Variants in CDKL2 observed in about 807,000 individuals in gnomAD.
The protein encoded by CDKL2 is cyclin dependent kinase like 2, also known as cyclin-dependent kinase-like 2.
In CDKL2, 64 loss-of-function variants were observed where a neutral mutation model predicts 63.9. The ratio of observed to expected loss-of-function variants is 1.00; its 90% confidence interval spans 0.82 to 1.23. The LOEUF (loss-of-function observed/expected upper bound fraction) is 1.23, where lower values mean the gene tolerates loss of function less well. CDKL2 is among the 50% of genes most tolerant of loss of function. CDKL2 has a pLI of 0.00. For missense variants in CDKL2, 656 were observed against 668.0 expected, an observed-to-expected ratio of 0.98 and a Z score of 0.20; for synonymous variants, 211 against 229.2, an observed-to-expected ratio of 0.92 and a Z score of 0.72.
chr4:75,624,089 C>T (rs1730289707), intron 2 of CDKL2, among the ~76,000 whole-genome samples: 2 of 149,520 alleles, frequency 1.3e-5, no homozygotes, highest in South Asian at 4.2e-4. Context: ...CAAGATTACG[C>T]CACTGCACTC....
At chr4:75,616,191 C>T (rs531759906) in intron 2 of CDKL2, among the ~76,000 whole-genome samples, 5 of 151,382 alleles carry the variant, frequency 3.3e-5, no homozygotes, top group African/African-American at 1.2e-4. Flanking sequence ...GTAATCCCAG[C>T]GCTTTGGGAG....
chr4:75,591,845 GC>G lies in CDKL2; in HGVS notation c.1620del (p.His541ThrfsTer80). The G allele has an allele frequency of 6.5e-7, 1 of 1,535,498 alleles. No individual in the cohort carries two copies. Among genetic ancestry groups the G allele is most frequent in the South Asian group, 1.2e-5 (1 of 84,032 alleles). The stretch of plus-strand genomic sequence containing the variant: ...TGATGTAATGTAATACTGGGGGTGT[GC>G]AGGTCAATAGCAGCCAGAGAAGGAA... Reference protein sequence around the residue: ...SRIPSLAAIDLHTPSITLHQV... With the variant: ...SRIPSLAAIDXHTPSITLHQV... On this transcript the variant is annotated frameshift_variant, in exon 12 of 14. Coordinates refer to ENST00000307465, the MANE Select transcript of CDKL2 (RefSeq NM_001330724.2). LOFTEE classifies it high-confidence loss of function.
rs1728113964 is a variant in CDKL2, at chr4:75,578,285, A to C, written c.*917T>G. 6.6e-6 allele frequency: 1 copy of C among 152,206 alleles called. No individual in the cohort carries two copies. The highest frequency in any genetic ancestry group is 1.5e-5 in the Non-Finnish European group (1 of 68,046). 9.4% of individuals were successfully genotyped at this position (152,206 alleles called of 1,614,324 possible). A position where few individuals can be genotyped will look rare whatever the true frequency, so the allele number is the denominator to read the frequency against. On this transcript the variant is annotated 3_prime_UTR_variant, in exon 14 of 14. Coordinates refer to ENST00000307465, the MANE Select transcript of CDKL2 (RefSeq NM_001330724.2). ...CACCCTTAAACTACCAGGGGACAAA[A>C]GTGGAGTCCATAATAATGAACGTTC...
Position 75,591,801 on chromosome 4 carries a change from T to C in CDKL2, c.1647+18A>G, listed in dbSNP as rs1277495787. 3 of 1,481,974 alleles carry C rather than the reference T, an allele frequency of 2.0e-6. No homozygotes were observed. The highest frequency in any genetic ancestry group is 1.4e-5 in the African/African-American group (1 of 71,878). 91.8% of individuals were successfully genotyped at this position (1,481,974 alleles called of 1,614,324 possible). ...AGAGACCCGAGTTCTGTCCATCCTA[T>C]AAAGAGTATTTCTGTACCTGATGTA... On this transcript the variant is annotated intron_variant, in intron 12 of 13. Coordinates refer to ENST00000307465, the MANE Select transcript of CDKL2 (RefSeq NM_001330724.2).
At chr4:75,584,852 C>A (rs544705810) in intron 12 of CDKL2, among the ~76,000 whole-genome samples, 1 of 152,150 alleles carries the variant, frequency 6.6e-6, no homozygotes, top group Non-Finnish European at 1.5e-5. Context: ...ATTTCTGGAA[C>A]TTTCCACTAA....
Position 75,607,323 on chromosome 4 carries a change from G to A in CDKL2, c.402C>T (p.Val134=), listed in dbSNP as rs114168763. Residue 134 remains valine, a synonymous_variant, in exon 4 of 14, where the codon GTC becomes GTT. Coordinates refer to ENST00000307465, the MANE Select transcript of CDKL2 (RefSeq NM_001330724.2). Reference sequence around the variant, plus strand: ...ATAGCTTGACAACGCCAGACTGGGAGACTAATATATTCTCTGGCTTTATAT... The same window carrying A: ...ATAGCTTGACAACGCCAGACTGGGAAACTAATATATTCTCTGGCTTTATAT... ...HRDIKPENIL[V]SQSGVVKLCD... is the part of the protein sequence containing the mutation. The A allele has an allele frequency of 1.9e-5, 30 of 1,614,028 alleles. No individual in the cohort carries two copies. In the African/African-American group the frequency reaches 3.3e-4, roughly 18 times the overall value.
intron 5 of CDKL2, among the ~76,000 whole-genome samples, chr4:75,605,310 G>A (rs543183368): frequency 1.6e-4 from 25 of 152,082 alleles, no homozygotes; most frequent in South Asian, 8.3e-4. Flanking sequence ...CCGAGATTGC[G>A]CCATTGCACT....
chr4:75,606,276 G>A (rs1214818560), intron 4 of CDKL2, among the ~76,000 whole-genome samples: 1 of 150,612 alleles, frequency 6.6e-6, no homozygotes, highest in Non-Finnish European at 1.5e-5. Flanking sequence ...GTGCAGTCGC[G>A]TAATCTCAGC....
intron 2 of CDKL2, among the ~76,000 whole-genome samples, chr4:75,621,738 T>C (rs1730167763): frequency 6.6e-6 from 1 of 152,062 alleles, no homozygotes; most frequent in South Asian, 2.1e-4. Context: ...AATACATACT[T>C]TTTTTTACAC....
chr4:75,599,565 A>AAG (rs1357228737), intron 7 of CDKL2, among the ~76,000 whole-genome samples: 1 of 151,134 alleles, frequency 6.6e-6, no homozygotes, highest in African/African-American at 2.4e-5. Context: ...AAAAAAAAAA[A>AAG]AAAAAGAAAC....
In CDKL2 at chr4:75,625,866, G is replaced by T. The variant is rs1264629602; in HGVS notation, c.123C>A (p.Asp41Glu). The T allele has an allele frequency of 3.1e-6, 5 of 1,612,732 alleles. No individual in the cohort carries two copies. The East Asian group carries it at 1.1e-4, about 36-fold the overall frequency. ...GCATTGCAATCTTTTTAACCATTTT[G>T]TCATCGTCACTTTCTAAGAACTTCT... The part of the protein sequence containing the change: ...AIKKFLESDD[D>E]KMVKKIAMRE... The change falls in exon 2 of 14, where the codon GAC becomes GAA. Residue 41 changes from aspartate to glutamate, a missense_variant. Asp to Glu is a conservative substitution (Grantham distance 45, BLOSUM62 2). Coordinates refer to ENST00000307465, the MANE Select transcript of CDKL2 (RefSeq NM_001330724.2).
In CDKL2 at chr4:75,615,632, G is replaced by A. The variant is rs147254676; in HGVS notation, c.169-1183C>T. ...ATACAAATGTGGGCATCATGGTTAT[G>A]AAACAGAAAGTGAACATTTTAAATG... is the stretch of plus-strand genomic sequence containing the variant. On this transcript the variant is annotated intron_variant, in intron 2 of 13. Coordinates refer to ENST00000307465, the MANE Select transcript of CDKL2 (RefSeq NM_001330724.2). Among the ~76,000 whole-genome samples the A allele has an allele frequency of 1.1e-4, 16 of 152,308 alleles. No individual in the cohort carries two copies. In the East Asian group the frequency reaches 2.9e-3, roughly 27 times the overall value.
At chr4:75,614,861 A>G (rs1022913181) in intron 2 of CDKL2, among the ~76,000 whole-genome samples, 4 of 114,856 alleles carry the variant, frequency 3.5e-5, no homozygotes, top group East Asian at 2.0e-4. Flanking sequence ...CCAGTGACAT[A>G]CCCTGAAAAG....
intron 4 of CDKL2, 145 bp from the exon 5 acceptor site, chr4:75,605,779 G>T: frequency 5.8e-6 from 3 of 521,146 alleles, no homozygotes; most frequent in Non-Finnish European, 1.0e-5. Flanking sequence ...ATGCTCCAAT[G>T]GTATAATGCA....
At chr4:75,608,996 GAAAAAAA>G (rs5859470) in intron 3 of CDKL2, among the ~76,000 whole-genome samples, 1 of 120,866 alleles carries the variant, frequency 8.3e-6, no homozygotes, top group African/African-American at 3.6e-5. Flanking sequence ...TCCATCTCAA[GAAAAAAA>G]AAAAAAAAGA....
chr4:75,585,822 A>G (rs1728455083), intron 12 of CDKL2, among the ~76,000 whole-genome samples: 1 of 152,200 alleles, frequency 6.6e-6, no homozygotes, highest in African/African-American at 2.4e-5. Flanking sequence ...CAATTCTACA[A>G]CATAATAAAA....
At chr4:75,619,217 A>G (rs971383542) in intron 2 of CDKL2, among the ~76,000 whole-genome samples, 7 of 152,156 alleles carry the variant, frequency 4.6e-5, no homozygotes, top group African/African-American at 1.7e-4. Context: ...AGGGTAGTTA[A>G]TTACTAAAGG....
At chr4:75,616,870 C>T (rs1031849220) in intron 2 of CDKL2, among the ~76,000 whole-genome samples, 1 of 151,958 alleles carries the variant, frequency 6.6e-6, no homozygotes, top group Non-Finnish European at 1.5e-5. Context: ...GAACAGAAAA[C>T]CAAATACCAC....
intron 2 of CDKL2, among the ~76,000 whole-genome samples, chr4:75,621,322 G>A (rs1730149152): frequency 6.8e-6 from 1 of 147,222 alleles, no homozygotes; most frequent in Non-Finnish European, 1.5e-5. Flanking sequence ...CCCACACCTA[G>A]GCATATTATT....
Sources: gnomAD v4.1 joint callset for allele counts (sites outside exome capture counted in the v4.1 genomes callset) on GRCh38, gnomAD v4.1.1 for gene constraint, MANE v1.5 for transcripts, NCBI Gene and HGNC (gene_info 2026-07-23, HGNC 2026-07-21) for gene names.